MYRIP: variants seen among roughly 807,000 people sequenced by gnomAD.
The protein encoded by MYRIP is myosin VIIA and Rab interacting protein, also known as rab effector MyRIP.
MYRIP carries 49 observed loss-of-function variants against 98.0 expected under a neutral mutation model. That is an observed-to-expected ratio of 0.50 (90% confidence interval 0.40 to 0.63). The LOEUF (loss-of-function observed/expected upper bound fraction) is 0.63, where lower values mean the gene tolerates loss of function less well. MYRIP is among the 30% of genes least tolerant of loss of function. The pLI, the probability that MYRIP is intolerant of heterozygous loss-of-function variation, is 0.00. For synonymous variants in MYRIP, 404 were observed against 409.5 expected (o/e 0.99, Z 0.16); for missense variants, 1,004 against 1,058.2 (o/e 0.95, Z 0.71).
At chr3:40,078,450 C>G (rs2125867053) in intron 3 of MYRIP, among the ~76,000 whole-genome samples, 1 of 152,356 alleles carries the variant, frequency 6.6e-6, no homozygotes, top group Non-Finnish European at 1.5e-5. Context: ...CAAGCGAGGG[C>G]TGTGAGGACT....
chr3:40,179,471 A>G (rs1950838972), intron 8 of MYRIP, among the ~76,000 whole-genome samples: 1 of 152,204 alleles, frequency 6.6e-6, no homozygotes, highest in African/African-American at 2.4e-5. Context: ...GACCCCAGCC[A>G]CCACATATAC....
intron 2 of MYRIP, among the ~76,000 whole-genome samples, chr3:40,008,895 G>A (rs1488707188): frequency 1.3e-5 from 2 of 152,186 alleles, no homozygotes; most frequent in African/African-American, 2.4e-5. Context: ...CAGACACTGC[G>A]TGATGTTTCC....
intron 11 of MYRIP, among the ~76,000 whole-genome samples, chr3:40,218,621 TATATATA>T (rs1559460442): frequency 7.9e-4 from 64 of 81,522 alleles, no homozygotes; most frequent in South Asian, 2.2e-3. Flanking sequence ...TTTATATATA[TATATATA>T]TATATATATA....
At chr3:39,955,875 A>T (rs1213309548) in intron 2 of MYRIP, among the ~76,000 whole-genome samples, 1 of 152,214 alleles carries the variant, frequency 6.6e-6, no homozygotes, top group East Asian at 1.9e-4. Context: ...AGGGGTTGCA[A>T]TCATAGTTTC....
intron 4 of MYRIP, among the ~76,000 whole-genome samples, chr3:40,155,917 A>G (rs1313339870): frequency 3.3e-5 from 5 of 151,772 alleles, no homozygotes; most frequent in African/African-American, 9.6e-5. Context: ...AGTAGGTTGC[A>G]AAAATTTTCT....
At chr3:39,823,176 C>T (rs531919667) in intron 1 of MYRIP, among the ~76,000 whole-genome samples, 66 of 152,096 alleles carry the variant, frequency 4.3e-4, no homozygotes, top group Middle Eastern at 6.8e-3. Flanking sequence ...CCTGCCACCA[C>T]GCCCAGCAAA....
chr3:40,095,469 A>T (rs1428872382), intron 3 of MYRIP, among the ~76,000 whole-genome samples: 1 of 152,202 alleles, frequency 6.6e-6, no homozygotes, highest in Non-Finnish European at 1.5e-5. Flanking sequence ...AAAGAGGGGC[A>T]GGACCCCAGG....
At chr3:39,828,815 C>A (rs918774262) in intron 1 of MYRIP, among the ~76,000 whole-genome samples, 3 of 152,074 alleles carry the variant, frequency 2.0e-5, no homozygotes, top group Non-Finnish European at 2.9e-5. Flanking sequence ...TAATTCATTC[C>A]TTTTTATGGC....
chr3:39,824,453 C>A (rs760276356), intron 1 of MYRIP, among the ~76,000 whole-genome samples: 1 of 151,920 alleles, frequency 6.6e-6, no homozygotes, highest in Non-Finnish European at 1.5e-5. Context: ...GATAGTATGA[C>A]CATTTTAATT....
At chr3:40,217,924 G>A (rs995753240) in intron 11 of MYRIP, among the ~76,000 whole-genome samples, 4 of 152,086 alleles carry the variant, frequency 2.6e-5, no homozygotes, top group Non-Finnish European at 5.9e-5. Context: ...TTAGATTCCT[G>A]AGTTAAGATA....
intron 10 of MYRIP, among the ~76,000 whole-genome samples, chr3:40,193,055 T>C (rs986048304): frequency 9.9e-5 from 15 of 152,164 alleles, no homozygotes; most frequent in Non-Finnish European, 1.8e-4. Context: ...CGGGAACTTT[T>C]TGAAACAATA....
rs750979703 is a variant in MYRIP, at chr3:40,166,983, G to C, written c.648+40G>C. The C allele has an allele frequency of 3.3e-6, 5 of 1,526,648 alleles. No individual in the cohort carries two copies. In the African/African-American group the frequency reaches 6.8e-5, roughly 21 times the overall value. The allele number at this position is 1,526,648 out of a possible 1,614,324, so 94.6% of individuals were successfully genotyped here. A position where few individuals can be genotyped will look rare whatever the true frequency, so the allele number is the denominator to read the frequency against. On this transcript the variant is annotated intron_variant, in intron 6 of 16. Coordinates refer to ENST00000302541, the MANE Select transcript of MYRIP (RefSeq NM_015460.4). ...GCTCCTCTCTGTGGGGGGAGGTGTG[G>C]GTTGGGGTCCTTGCTGCCAGGAGAA...
intron 1 of MYRIP, among the ~76,000 whole-genome samples, chr3:39,843,363 G>C (rs1043787768): frequency 6.6e-6 from 1 of 151,942 alleles, no homozygotes; most frequent in Non-Finnish European, 1.5e-5. Context: ...CTATATTGAG[G>C]CTTCGAAAAA....
chr3:40,170,197 T>C (rs1222640237), intron 8 of MYRIP, 104 bp downstream of exon 8: 5 of 1,450,418 alleles, frequency 3.4e-6, no homozygotes, highest in Non-Finnish European at 2.8e-6. Context: ...AGGGTAAAAA[T>C]TTCAGAAGGA....
intron 3 of MYRIP, among the ~76,000 whole-genome samples, chr3:40,089,824 T>C (rs1369093468): frequency 6.6e-6 from 1 of 152,178 alleles, no homozygotes; most frequent in East Asian, 1.9e-4. Flanking sequence ...CCATTTTCTA[T>C]AGATTTCTAT....
At chr3:40,166,434 C>T (rs1349650629) in intron 5 of MYRIP, among the ~76,000 whole-genome samples, 3 of 151,892 alleles carry the variant, frequency 2.0e-5, no homozygotes, top group Non-Finnish European at 2.9e-5. Flanking sequence ...GGGAAGGGGC[C>T]GGGGGTATGG....
At chr3:40,212,259 C>CACAT (rs1951979958) in intron 11 of MYRIP, among the ~76,000 whole-genome samples, 3 of 100,894 alleles carry the variant, frequency 3.0e-5, no homozygotes. Flanking sequence ...TATATATATA[C>CACAT]ACGTATATAT....
intron 4 of MYRIP, 79 bp from the exon 5 acceptor site, chr3:40,162,651 C>T (rs1950420476): frequency 1.6e-6 from 2 of 1,269,716 alleles, no homozygotes; most frequent in Admixed American, 3.5e-5. Flanking sequence ...TCTGCCAGTT[C>T]AGTGACACAG....
rs192966318 is a variant in MYRIP at position 39,936,390 on chromosome 3, G to T, written c.110+35464G>T. Reference sequence around the variant, plus strand: ...GCTAGTGCAGCCTCCACAGGGGAGTGATGGGGGATTTATGGGGCTGGAGGA... The same window carrying T: ...GCTAGTGCAGCCTCCACAGGGGAGTTATGGGGGATTTATGGGGCTGGAGGA... On this transcript the variant is annotated intron_variant, in intron 2 of 16. Coordinates refer to ENST00000302541, the MANE Select transcript of MYRIP (RefSeq NM_015460.4). 5.3e-5 allele frequency among the ~76,000 whole-genome samples: 8 copies of T among 152,304 alleles called. No homozygotes were observed. The East Asian group carries it at 1.2e-3, about 22-fold the overall frequency.
Sources: allele counts gnomAD v4.1 joint callset (sites outside exome capture counted in the v4.1 genomes callset), GRCh38; gene constraint gnomAD v4.1.1; transcripts MANE v1.5; gene names NCBI Gene and HGNC (gene_info 2026-07-23, HGNC 2026-07-21).